SND1: variants seen among roughly 807,000 people sequenced by gnomAD.
SND1 encodes staphylococcal nuclease and tudor domain containing 1, also known as staphylococcal nuclease domain-containing protein 1.
In SND1, 38 loss-of-function variants were observed where a neutral mutation model predicts 121.7. The observed-to-expected ratio is 0.31, with a 90% CI of 0.24 to 0.41. The LOEUF is 0.41. SND1 is among the 10% of genes least tolerant of loss of function. SND1 has a pLI of 1.00. For synonymous variants in SND1, 401 were observed against 447.4 expected (o/e 0.90, Z 1.31); for missense variants, 868 against 1,184.6 (o/e 0.73, Z 3.92).
chr7:127,705,877 G>A (rs1026916634), intron 8 of SND1, among the ~76,000 whole-genome samples: 1 of 152,186 alleles, frequency 6.6e-6, no homozygotes, highest in Non-Finnish European at 1.5e-5. Flanking sequence ...ATACAGCTAA[G>A]AGATGTGCAA....
intron 9 of SND1, among the ~76,000 whole-genome samples, chr7:127,713,457 C>A (rs2116368747): frequency 6.6e-6 from 1 of 152,348 alleles, no homozygotes; most frequent in South Asian, 2.1e-4. Context: ...ATACCTGGGA[C>A]CTTCACATAG....
chr7:128,030,347 G>A (rs140548706), intron 16 of SND1: 91 of 1,614,094 alleles, frequency 5.6e-5, no homozygotes, highest in Non-Finnish European at 7.0e-5. Flanking sequence ...CCAGGTGGTG[G>A]AGGTGGCGGA....
intron 10 of SND1, among the ~76,000 whole-genome samples, chr7:127,748,329 G>C (rs979546129): frequency 2.0e-5 from 3 of 152,190 alleles, no homozygotes; most frequent in African/African-American, 7.2e-5. Flanking sequence ...TTGTGTACAA[G>C]GTACTGTCCT....
chr7:127,944,856 C>T (rs1241319041), intron 15 of SND1, among the ~76,000 whole-genome samples: 2 of 152,164 alleles, frequency 1.3e-5, no homozygotes, highest in African/African-American at 2.4e-5. Flanking sequence ...AATGCCACCT[C>T]GTATAATTTC....
At chr7:127,981,957 T>C (rs1802272026) in intron 15 of SND1, among the ~76,000 whole-genome samples, 1 of 152,214 alleles carries the variant, frequency 6.6e-6, no homozygotes, top group Non-Finnish European at 1.5e-5. Flanking sequence ...GTGTATCTGT[T>C]ATTGCTAGAT....
intron 14 of SND1, among the ~76,000 whole-genome samples, chr7:127,908,047 G>C (rs1038498754): frequency 6.6e-6 from 1 of 152,066 alleles, no homozygotes; most frequent in African/African-American, 2.4e-5. Context: ...ATTACAGATG[G>C]GTTTTGATGT....
chr7:127,791,009 G>A (rs1177478069), intron 10 of SND1, among the ~76,000 whole-genome samples: 2 of 152,134 alleles, frequency 1.3e-5, no homozygotes, highest in African/African-American at 4.8e-5. Flanking sequence ...TATCTTTGCA[G>A]TTAACCAAAG....
chr7:127,749,810 C>G (rs1342769547), intron 10 of SND1, among the ~76,000 whole-genome samples: 1 of 152,194 alleles, frequency 6.6e-6, no homozygotes, highest in African/African-American at 2.4e-5. Flanking sequence ...TGGGAACCTT[C>G]AGATGAGAAG....
At position 128,089,565 on chromosome 7, in the gene SND1, A is replaced by G. The variant is rs754069679; in HGVS notation, c.2495A>G (p.His832Arg). The G allele has an allele frequency of 6.2e-7, 1 of 1,614,214 alleles. No individual in the cohort carries two copies. The change falls in exon 22 of 24, where the codon CAC (histidine) becomes CGC (arginine). Residue 832 changes from histidine to arginine, a missense_variant. His to Arg is a conservative substitution (Grantham distance 29). This residue lies in a region of SND1 where 743 missense variants were observed against 1,071.3 expected (regional missense o/e 0.69). Transcript: ENST00000354725. The part of the protein sequence containing the change: ...QNTQCLLNVE[H>R]LSAGCPHVTL... ...ACTCAGTGCCTGCTCAACGTGGAACACCTGAGTGCCGGCTGCCCCCATGTC... is the reference window on the plus strand; with the variant it reads ...ACTCAGTGCCTGCTCAACGTGGAACGCCTGAGTGCCGGCTGCCCCCATGTC...
At chr7:127,975,083 AT>A (rs1802082201) in intron 15 of SND1, among the ~76,000 whole-genome samples, 1 of 152,168 alleles carries the variant, frequency 6.6e-6, no homozygotes, top group Non-Finnish European at 1.5e-5. Flanking sequence ...TTTGTTTTAT[AT>A]TTTTAGAGGA....
intron 12 of SND1, among the ~76,000 whole-genome samples, chr7:127,882,171 C>G (rs1799804007): frequency 6.6e-6 from 1 of 151,860 alleles, no homozygotes; most frequent in Non-Finnish European, 1.5e-5. Context: ...AGGAGGATCC[C>G]TTAAGCCCAG....
intron 16 of SND1, among the ~76,000 whole-genome samples, chr7:128,017,771 G>T (rs895028510): frequency 6.6e-6 from 1 of 152,246 alleles, no homozygotes; most frequent in Non-Finnish European, 1.5e-5. Flanking sequence ...GAAATGAAAT[G>T]ACCTTGGCAG....
rs1262633015 is a variant in SND1, at chr7:127,751,432, G to C, written c.1152+30032G>C. ...TTGTTTAGAATGTCAGGTGAGCAGT[G>C]GCTTTTCTGCCTGTGCATTGCCCAT... On this transcript the variant is annotated intron_variant, in intron 10 of 23. Coordinates refer to ENST00000354725, the MANE Select transcript of SND1 (RefSeq NM_014390.4). Among the ~76,000 whole-genome samples the C allele has an allele frequency of 2.0e-5, 3 of 152,146 alleles. No homozygotes were observed. In the East Asian group the frequency reaches 5.8e-4, roughly 29 times the overall value.
chr7:128,083,451 C>T (rs557344143), intron 18 of SND1, among the ~76,000 whole-genome samples: 107 of 152,344 alleles, frequency 7.0e-4, no homozygotes, highest in African/African-American at 2.5e-3. Context: ...AGGCCTCTGT[C>T]GTGTGGATGC....
intron 16 of SND1, among the ~76,000 whole-genome samples, chr7:128,055,982 A>C (rs1299416631): frequency 3.9e-5 from 6 of 152,208 alleles, no homozygotes; most frequent in African/African-American, 1.4e-4. Context: ...TTCAAATTCT[A>C]GCCTCTCCAT....
chr7:127,882,311 C>T (rs1279916720), intron 12 of SND1, among the ~76,000 whole-genome samples: 1 of 147,008 alleles, frequency 6.8e-6, no homozygotes, highest in East Asian at 2.0e-4. Context: ...CATATGTGCT[C>T]AGAGGGGTAG....
At position 127,807,466 on chromosome 7, in the gene SND1, GT is replaced by G; in HGVS notation, c.1153-14del. 6.3e-7 allele frequency: 1 copy of G among 1,591,574 alleles called. No homozygotes were observed. Among genetic ancestry groups the G allele is most frequent in the Non-Finnish European group, 8.6e-7 (1 of 1,159,830 alleles). ...TGATATTGTTCATTCCTGATGTCAT[GT>G]TTTATTTTACTTTTAGGATAAGAAC... On this transcript the variant is annotated splice_polypyrimidine_tract_variant and intron_variant, in intron 10 of 23. Transcript: ENST00000354725.
At chr7:127,839,100 G>A (rs986241597) in intron 11 of SND1, among the ~76,000 whole-genome samples, 2 of 152,252 alleles carry the variant, frequency 1.3e-5, no homozygotes, top group East Asian at 3.9e-4. Flanking sequence ...TGAAGTGTCC[G>A]TGTTCTTATC....
chr7:127,881,436 A>G lies in SND1; in HGVS notation c.1344-6466A>G, dbSNP rs557974380. ...TACCCTCAGCCCCTATAATATTTTT[A>G]TTCATTTAACCCAGGTTCTTTTTTA... On this transcript the variant is annotated intron_variant, in intron 12 of 23. Coordinates refer to ENST00000354725, the MANE Select transcript of SND1 (RefSeq NM_014390.4). 1.2e-3 allele frequency among the ~76,000 whole-genome samples: 183 copies of G among 152,188 alleles called. 1 individual carries two copies. The highest frequency in any genetic ancestry group is 4.1e-3 in the African/African-American group (170 of 41,538).
Sources: allele counts gnomAD v4.1 joint callset (sites outside exome capture counted in the v4.1 genomes callset), GRCh38; gene constraint gnomAD v4.1.1; regional missense constraint gnomAD v4.1.1; transcripts MANE v1.5; gene names NCBI Gene and HGNC (gene_info 2026-07-23, HGNC 2026-07-21).